ADAMTS3: variants seen among roughly 807,000 people sequenced by gnomAD.
ADAMTS3 encodes the protein A disintegrin and metalloproteinase with thrombospondin motifs 3.
In ADAMTS3, 73 loss-of-function variants were observed where a neutral mutation model predicts 129.0. The ratio of observed to expected loss-of-function variants is 0.57; its 90% confidence interval spans 0.47 to 0.69. The LOEUF is 0.69. Among genes scored for constraint, ADAMTS3 ranks in the 30% least tolerant of loss-of-function variants. The probability of loss-of-function intolerance (pLI) is 0.00; values close to 1 mark genes in which losing one functional copy is unlikely to be tolerated. For missense variants in ADAMTS3, 1,457 were observed against 1,514.5 expected, an observed-to-expected ratio of 0.96 and a Z score of 0.63; for synonymous variants, 477 against 510.8, an observed-to-expected ratio of 0.93 and a Z score of 0.89.
intron 2 of ADAMTS3, among the ~76,000 whole-genome samples, chr4:72,550,191 CTA>C (rs1024962851): frequency 4.7e-4 from 71 of 151,510 alleles, no homozygotes; most frequent in Non-Finnish European, 9.3e-4. Flanking sequence ...TACGCTAATC[CTA>C]TAGTGTGTTA....
At chr4:72,390,028 C>T (rs1217689022) in intron 4 of ADAMTS3, among the ~76,000 whole-genome samples, 1 of 152,056 alleles carries the variant, frequency 6.6e-6, no homozygotes, top group Admixed American at 6.6e-5. Context: ...AGAGGGGAAG[C>T]GGAACTGGGA....
intron 3 of ADAMTS3, among the ~76,000 whole-genome samples, chr4:72,523,139 T>C (rs1720716749): frequency 6.6e-6 from 1 of 151,952 alleles, no homozygotes; most frequent in South Asian, 2.1e-4. Context: ...CAAAGGTAAA[T>C]ATAAAAAAAA....
rs1414783381 is a variant in ADAMTS3 at position 72,529,718 on chromosome 4, T to C, written c.504+18760A>G. 1.7e-4 allele frequency among the ~76,000 whole-genome samples: 18 copies of C among 103,592 alleles called. No homozygotes were observed. The East Asian group carries it at 4.4e-3, about 25-fold the overall frequency. 68.0% of individuals were successfully genotyped at this position (103,592 alleles called of 152,430 possible). ...ATATATATTAATATTAAATATAATA[T>C]ATATTAATTAATATATATTTATTTA... On this transcript the variant is annotated intron_variant, in intron 3 of 21. Coordinates refer to ENST00000286657, the MANE Select transcript of ADAMTS3 (RefSeq NM_014243.3).
rs1277332837 is a variant in ADAMTS3 at position 72,282,363 on chromosome 4, A to G, written c.*773T>C. ...TACTAAGACACCAATCCTTTAAATT[A>G]TAAGTATAGAAGGCAATAGGTAAGC... On this transcript the variant is annotated 3_prime_UTR_variant, in exon 22 of 22. Coordinates refer to ENST00000286657, the MANE Select transcript of ADAMTS3 (RefSeq NM_014243.3). 1 of 152,212 alleles carries G rather than the reference A, an allele frequency of 6.6e-6. No individual in the cohort carries two copies. The highest frequency in any genetic ancestry group is 1.5e-5 in the Non-Finnish European group (1 of 68,034). 9.4% of individuals were successfully genotyped at this position (152,212 alleles called of 1,614,324 possible).
At chr4:72,290,407 G>A (rs148929131) in intron 20 of ADAMTS3, among the ~76,000 whole-genome samples, 2 of 152,084 alleles carry the variant, frequency 1.3e-5, no homozygotes, top group Non-Finnish European at 2.9e-5. Context: ...GTAGGAGGAG[G>A]GGGAGTACAA....
intron 17 of ADAMTS3, among the ~76,000 whole-genome samples, chr4:72,302,101 A>T (rs1310343655): frequency 6.6e-6 from 1 of 152,116 alleles, no homozygotes; most frequent in Non-Finnish European, 1.5e-5. Context: ...AAGGATCAGA[A>T]TGATCTGACA....
intron 3 of ADAMTS3, among the ~76,000 whole-genome samples, chr4:72,510,774 T>C (rs1352547017): frequency 1.4e-5 from 2 of 141,884 alleles, no homozygotes; most frequent in African/African-American, 5.2e-5. Context: ...CTAAAATTTA[T>C]GTGGAACCAC....
intron 3 of ADAMTS3, among the ~76,000 whole-genome samples, chr4:72,416,108 C>T (rs1722296943): frequency 6.7e-6 from 1 of 149,088 alleles, no homozygotes; most frequent in African/African-American, 2.5e-5. Context: ...ATTATGCTAT[C>T]AAGCAACATA....
intron 5 of ADAMTS3, among the ~76,000 whole-genome samples, chr4:72,332,489 A>G (rs1719876096): frequency 6.6e-6 from 1 of 152,146 alleles, no homozygotes; most frequent in African/African-American, 2.4e-5. Flanking sequence ...AATAATTTAT[A>G]ATTTCGTAGA....
At chr4:72,355,153 C>A (rs1419346293) in intron 4 of ADAMTS3, among the ~76,000 whole-genome samples, 1 of 148,354 alleles carries the variant, frequency 6.7e-6, no homozygotes, top group African/African-American at 2.5e-5. Flanking sequence ...TTTTTTTTTG[C>A]AATTTTACCT....
chr4:72,542,045 G>A (rs1721345180), intron 3 of ADAMTS3, among the ~76,000 whole-genome samples: 1 of 151,928 alleles, frequency 6.6e-6, no homozygotes, highest in Admixed American at 6.5e-5. Context: ...CCTTAAACAT[G>A]GATAATTATT....
intron 3 of ADAMTS3, among the ~76,000 whole-genome samples, chr4:72,509,997 G>A (rs775533193): frequency 2.5e-4 from 38 of 151,488 alleles, no homozygotes; most frequent in Non-Finnish European, 4.7e-4. Context: ...ATATCAACAG[G>A]ATGAAGAATA....
At chr4:72,482,850 T>C (rs1469668821) in intron 3 of ADAMTS3, among the ~76,000 whole-genome samples, 1 of 152,162 alleles carries the variant, frequency 6.6e-6, no homozygotes, top group African/African-American at 2.4e-5. Context: ...TAATAAGTCA[T>C]TGGAAAATTG....
At chr4:72,349,350 C>T (rs1042084266) in intron 4 of ADAMTS3, among the ~76,000 whole-genome samples, 5 of 151,814 alleles carry the variant, frequency 3.3e-5, no homozygotes, top group African/African-American at 1.2e-4. Context: ...ATGCTAAATC[C>T]TTCGTCAAGG....
chr4:72,308,403 G>C (rs1280119610), intron 15 of ADAMTS3, among the ~76,000 whole-genome samples: 1 of 151,876 alleles, frequency 6.6e-6, no homozygotes. Flanking sequence ...ATTTCATTTG[G>C]ATGAAGACTA....
At chr4:72,438,734 G>T (rs557045963) in intron 3 of ADAMTS3, among the ~76,000 whole-genome samples, 12 of 151,820 alleles carry the variant, frequency 7.9e-5, no homozygotes, top group African/African-American at 2.7e-4. Flanking sequence ...GACACAGGAT[G>T]AACAACCTTC....
chr4:72,399,914 C>T (rs554511168), intron 4 of ADAMTS3, among the ~76,000 whole-genome samples: 9 of 25,504 alleles, frequency 3.5e-4, no homozygotes, highest in East Asian at 2.1e-3. Flanking sequence ...TATGCACACA[C>T]GGTGTGTATA....
At chr4:72,379,247 C>T (rs1350659409) in intron 4 of ADAMTS3, among the ~76,000 whole-genome samples, 1 of 152,100 alleles carries the variant, frequency 6.6e-6, no homozygotes, top group Admixed American at 6.6e-5. Flanking sequence ...TTCTGCTTAT[C>T]ACAGCAACTG....
chr4:72,393,346 T>C (rs531080506), intron 4 of ADAMTS3, among the ~76,000 whole-genome samples: 1 of 152,218 alleles, frequency 6.6e-6, no homozygotes, highest in Admixed American at 6.5e-5. Context: ...CCAGAATAGA[T>C]AAGATAACTT....
Sources: allele counts gnomAD v4.1 joint callset (sites outside exome capture counted in the v4.1 genomes callset), GRCh38; gene constraint gnomAD v4.1.1; transcripts MANE v1.5; gene names NCBI Gene and HGNC (gene_info 2026-07-23, HGNC 2026-07-21).